Variants in DENND1A observed in about 807,000 individuals in gnomAD.
DENND1A encodes DENN domain containing 1A.
Under a neutral mutation model 113.7 loss-of-function variants are expected in DENND1A, and 51 were observed. The observed-to-expected ratio is 0.45, with a 90% confidence interval of 0.36 to 0.57. The LOEUF (loss-of-function observed/expected upper bound fraction) is 0.57, where lower values mean the gene tolerates loss of function less well. Among genes scored for constraint, DENND1A ranks in the 20% least tolerant of loss-of-function variants. The pLI is 0.00. For synonymous variants in DENND1A, 565 were observed against 570.8 expected (o/e 0.99, Z 0.14); for missense variants, 1,258 against 1,395.9 (o/e 0.90, Z 1.57).
At chr9:123,904,388 GAGA>G (rs1204162758) in intron 1 of DENND1A, among the ~76,000 whole-genome samples, 1 of 151,850 alleles carries the variant, frequency 6.6e-6, no homozygotes, top group Non-Finnish European at 1.5e-5. Context: ...GACAAGCTGA[GAGA>G]AGAAGGCTTC....
intron 18 of DENND1A, among the ~76,000 whole-genome samples, chr9:123,442,416 G>C (rs549179712): frequency 6.6e-6 from 1 of 152,154 alleles, no homozygotes; most frequent in Non-Finnish European, 1.5e-5. Flanking sequence ...AGGTCAAGTG[G>C]AAAAAGATGG....
At chr9:123,652,255 A>G in intron 8 of DENND1A, 132 bp from the exon 9 acceptor site, 1 of 770,928 alleles carries the variant, frequency 1.3e-6, no homozygotes, top group Non-Finnish European at 2.0e-6. Context: ...TTTTCTTTCT[A>G]CCTGGGAGGC....
rs546528947 is a variant in DENND1A at position 123,402,920 on chromosome 9, G to A, written c.1631+482C>T. Among the ~76,000 whole-genome samples, 44 of 152,328 alleles carry A rather than the reference G, an allele frequency of 2.9e-4. No homozygotes were observed. The South Asian group carries it at 9.1e-3, about 32-fold the overall frequency. On this transcript the variant is annotated intron_variant, in intron 21 of 23. Coordinates refer to ENST00000394215, the MANE Select transcript of DENND1A (RefSeq NM_001352964.2). ...CTCCGCGTCTCAGGGAGATGGGTAA[G>A]AAAAACCACAGTAACATAAATCCTC... is the stretch of plus-strand genomic sequence containing the variant.
chr9:123,722,432 G>A (rs2141166000), intron 5 of DENND1A, among the ~76,000 whole-genome samples: 1 of 152,358 alleles, frequency 6.6e-6, no homozygotes, highest in South Asian at 2.1e-4. Flanking sequence ...ACGAGGAGCT[G>A]AACGTTAATC....
At position 123,413,320 on chromosome 9, in the gene DENND1A, T is replaced by C. The variant is rs532423502; in HGVS notation, c.1489-1491A>G. The C allele has an allele frequency of 1.5e-4, 104 of 698,004 alleles. No individual in the cohort carries two copies. The Middle Eastern group carries it at 2.2e-3, about 15-fold the overall frequency. 43.2% of individuals were successfully genotyped at this position (698,004 alleles called of 1,614,324 possible). A position where few individuals can be genotyped will look rare whatever the true frequency, so the allele number is the denominator to read the frequency against. Reference sequence around the variant, plus strand: ...GAAATAATATTTTGGATATATTGGGTTCATTATATTAAAATCAATTTCACC... The same window carrying C: ...GAAATAATATTTTGGATATATTGGGCTCATTATATTAAAATCAATTTCACC... On this transcript the variant is annotated intron_variant, in intron 19 of 23. Coordinates refer to ENST00000394215, the MANE Select transcript of DENND1A (RefSeq NM_001352964.2).
At chr9:123,437,465 T>C (rs1302507718) in intron 19 of DENND1A, among the ~76,000 whole-genome samples, 1 of 152,186 alleles carries the variant, frequency 6.6e-6, no homozygotes. Flanking sequence ...AAGGCAACCG[T>C]CTCAACGGTC....
chr9:123,412,876 C>G (rs1588404485), intron 19 of DENND1A, among the ~76,000 whole-genome samples: 1 of 152,220 alleles, frequency 6.6e-6, no homozygotes, highest in East Asian at 1.9e-4. Context: ...TTGCCCCAGC[C>G]AAAAGGGGAG....
At chr9:123,522,260 C>A (rs569682478) in intron 13 of DENND1A, among the ~76,000 whole-genome samples, 4 of 152,322 alleles carry the variant, frequency 2.6e-5, no homozygotes, top group African/African-American at 9.6e-5. Flanking sequence ...TCTCTCCCAC[C>A]CAGAGCTGCT....
intron 13 of DENND1A, among the ~76,000 whole-genome samples, chr9:123,487,731 T>C (rs1360289361): frequency 1.3e-5 from 2 of 152,064 alleles, no homozygotes; most frequent in Non-Finnish European, 2.9e-5. Flanking sequence ...TTTAAAAGAA[T>C]TGAAAAAAAG....
intron 1 of DENND1A, among the ~76,000 whole-genome samples, chr9:123,911,537 G>A (rs893428858): frequency 2.0e-5 from 3 of 152,118 alleles, no homozygotes; most frequent in African/African-American, 7.2e-5. Context: ...GAAAAACAAT[G>A]AACTACAATT....
intron 8 of DENND1A, among the ~76,000 whole-genome samples, chr9:123,660,526 T>G (rs1564902813): frequency 6.6e-6 from 1 of 151,942 alleles, no homozygotes; most frequent in Non-Finnish European, 1.5e-5. Flanking sequence ...CCAAGTACCT[T>G]AAAATGAAGT....
chr9:123,883,484 C>G lies in DENND1A; in HGVS notation c.18-4463G>C, dbSNP rs1052403147. Among the ~76,000 whole-genome samples, 5 of 152,162 alleles carry G rather than the reference C, an allele frequency of 3.3e-5. No individual in the cohort carries two copies. The East Asian group carries it at 9.6e-4, about 29-fold the overall frequency. On this transcript the variant is annotated intron_variant, in intron 1 of 23. Coordinates refer to ENST00000394215, the MANE Select transcript of DENND1A (RefSeq NM_001352964.2). ...AGGGCTTAACTAAAAGATTTCAGTT[C>G]CCATCCCCAGAGTGTCTCAGGTAGG...
intron 5 of DENND1A, among the ~76,000 whole-genome samples, chr9:123,681,648 T>C (rs1468062417): frequency 6.6e-6 from 1 of 152,110 alleles, no homozygotes; most frequent in East Asian, 1.9e-4. Context: ...TGGAACTGAA[T>C]GTAACTGTGG....
At chr9:123,391,563 G>A (rs193053698) in intron 21 of DENND1A, among the ~76,000 whole-genome samples, 1 of 152,206 alleles carries the variant, frequency 6.6e-6, no homozygotes, top group East Asian at 1.9e-4. Flanking sequence ...TCAGTTTTCT[G>A]GGTCAGAAAC....
chr9:123,646,769 C>A (rs368634190), intron 9 of DENND1A, among the ~76,000 whole-genome samples: 4 of 152,076 alleles, frequency 2.6e-5, no homozygotes, highest in Admixed American at 6.6e-5. Context: ...TGTTCACTGC[C>A]GTAATCCCCA....
chr9:123,710,979 G>T (rs952209798), intron 5 of DENND1A, among the ~76,000 whole-genome samples: 4 of 152,174 alleles, frequency 2.6e-5, no homozygotes, highest in Middle Eastern at 3.4e-3. Context: ...AGCCGGAAGA[G>T]ATCTTTTTAA....
At position 123,392,544 on chromosome 9, in the gene DENND1A, G is replaced by A. The variant is rs111454114; in HGVS notation, c.1632-4686C>T. ...GACGAGCAGGGACAGCCCCCAGGGT[G>A]AGGCTAGGTCCTGCCTGTCCGGTGG... On this transcript the variant is annotated intron_variant, in intron 21 of 23. Transcript: ENST00000394215. 3.6e-3 allele frequency among the ~76,000 whole-genome samples: 553 copies of A among 152,256 alleles called. 4 individuals are homozygous for A. Among genetic ancestry groups the A allele is most frequent in the African/African-American group, 0.013 (534 of 41,534 alleles).
At chr9:123,591,583 G>C (rs563380039) in intron 11 of DENND1A, among the ~76,000 whole-genome samples, 1 of 152,340 alleles carries the variant, frequency 6.6e-6, no homozygotes, top group Non-Finnish European at 1.5e-5. Flanking sequence ...AGCACTGAGT[G>C]AATCTTTTCT....
At chr9:123,489,858 A>G (rs2051217570) in intron 13 of DENND1A, among the ~76,000 whole-genome samples, 2 of 152,206 alleles carry the variant, frequency 1.3e-5, no homozygotes, top group Non-Finnish European at 2.9e-5. Flanking sequence ...GCTGTTGTCA[A>G]CACTGCTGGT....
Sources: gnomAD v4.1 joint callset for allele counts (sites outside exome capture counted in the v4.1 genomes callset) on GRCh38, gnomAD v4.1.1 for gene constraint, MANE v1.5 for transcripts, NCBI Gene and HGNC (gene_info 2026-07-23, HGNC 2026-07-21) for gene names.